PTPRG: variants seen among roughly 807,000 people sequenced by gnomAD.
PTPRG encodes protein tyrosine phosphatase receptor type G, also known as receptor-type tyrosine-protein phosphatase gamma.
A neutral mutation model predicts 165.3 loss-of-function variants in PTPRG; 102 were observed. That is an observed-to-expected ratio of 0.62 (90% CI 0.53 to 0.73). The LOEUF (loss-of-function observed/expected upper bound fraction) is 0.73. Among genes scored for constraint, PTPRG ranks in the 30% least tolerant of loss-of-function variants. The pLI, the probability that PTPRG is intolerant of heterozygous loss-of-function variation, is 0.00. For missense variants in PTPRG, 1,866 were observed against 1,861.4 expected, an observed-to-expected ratio of 1.00 and a Z score of -0.05; for synonymous variants, 675 against 669.5, an observed-to-expected ratio of 1.01 and a Z score of -0.13.
chr3:61,743,294 T>A, intron 1 of PTPRG, among the ~76,000 whole-genome samples: 1 of 152,176 alleles, frequency 6.6e-6, no homozygotes, highest in East Asian at 1.9e-4. Flanking sequence ...GACTTAAGAT[T>A]CCTCCTGCTG....
intron 12 of PTPRG, among the ~76,000 whole-genome samples, chr3:62,211,885 G>A (rs1477098595): frequency 3.3e-5 from 5 of 152,082 alleles, no homozygotes; most frequent in Non-Finnish European, 5.9e-5. Context: ...ACTGGGATGA[G>A]AGCCAAGCCA....
chr3:61,995,741 TTCCTTCCCTCCC>T (rs2041024773), intron 3 of PTPRG, among the ~76,000 whole-genome samples: 1 of 108,668 alleles, frequency 9.2e-6, no homozygotes, highest in Non-Finnish European at 1.9e-5. Context: ...CCTTCCTTCC[TTCCTTCCCTCCC>T]TCTCTCCCTC....
At chr3:61,971,689 G>A (rs149273150) in intron 2 of PTPRG, among the ~76,000 whole-genome samples, 3 of 152,148 alleles carry the variant, frequency 2.0e-5, no homozygotes, top group Non-Finnish European at 4.4e-5. Context: ...ATCCCTCTTC[G>A]GATCATTTGG....
rs879530446 is a variant in PTPRG, at chr3:62,293,511, C to T, written c.*204C>T. 4 of 426,366 alleles carry T rather than the reference C, an allele frequency of 9.4e-6. No homozygotes were observed. The highest frequency in any genetic ancestry group is 2.0e-5 in the African/African-American group (1 of 49,082). 26.4% of individuals were successfully genotyped at this position (426,366 alleles called of 1,614,324 possible). ...CCTCTGTTCATTTCACACAGTGAAACGCAATTTTACCTAGTTTGCACTATA... is the reference window on the plus strand; with the variant it reads ...CCTCTGTTCATTTCACACAGTGAAATGCAATTTTACCTAGTTTGCACTATA... On this transcript the variant is annotated 3_prime_UTR_variant, in exon 30 of 30. Transcript: ENST00000474889.
intron 2 of PTPRG, among the ~76,000 whole-genome samples, chr3:61,864,446 TA>T (rs199740005): frequency 0.012 from 1,760 of 152,236 alleles, 38 homozygotes; most frequent in African/African-American, 0.04. Context: ...CCCGGGCTTC[TA>T]ATTCTCTCCA....
chr3:61,620,918 C>T (rs575266588), intron 1 of PTPRG, among the ~76,000 whole-genome samples: 34 of 151,860 alleles, frequency 2.2e-4, no homozygotes, highest in African/African-American at 7.2e-4. Flanking sequence ...CGTGAGCCAC[C>T]GCGCCCGGCC....
chr3:62,130,028 A>AT (rs1242426836), intron 5 of PTPRG, among the ~76,000 whole-genome samples: 3 of 152,228 alleles, frequency 2.0e-5, no homozygotes, highest in Non-Finnish European at 2.9e-5. Context: ...TAATGGCTAA[A>AT]TTTTGCTGTG....
At position 61,939,928 on chromosome 3, in the gene PTPRG, C is replaced by CTTTTTTTTTTTTT. The variant is rs561334410; in HGVS notation, c.191-49673_191-49661dup. ...TGTCTTGGCTTCCTTACTGACTTGT[C>CTTTTTTTTTTTTT]TTTTTTTTTTTTTTTTTTTTTTTTT... On this transcript the variant is annotated intron_variant, in intron 2 of 29. Transcript: ENST00000474889. 3.8e-4 allele frequency among the ~76,000 whole-genome samples: 15 copies of CTTTTTTTTTTTTT among 39,142 alleles called. 3 individuals are homozygous for CTTTTTTTTTTTTT. The highest frequency in any genetic ancestry group is 8.1e-4 in the African/African-American group (9 of 11,094). The allele number at this position is 39,142 out of a possible 152,430, so 25.7% of individuals were successfully genotyped here.
intron 3 of PTPRG, among the ~76,000 whole-genome samples, chr3:62,002,494 T>TA (rs1195052384): frequency 6.6e-6 from 1 of 152,244 alleles, no homozygotes; most frequent in Admixed American, 6.5e-5. Flanking sequence ...ATTTGTTTTT[T>TA]ATGCATTTAG....
At chr3:61,563,072 C>G (rs541847640) in intron 1 of PTPRG, among the ~76,000 whole-genome samples, 1 of 151,910 alleles carries the variant, frequency 6.6e-6, no homozygotes, top group African/African-American at 2.4e-5. Flanking sequence ...CTAGCCCCGG[C>G]CCGTGGCCCT....
At chr3:61,739,707 C>T (rs934790716) in intron 1 of PTPRG, among the ~76,000 whole-genome samples, 1 of 152,148 alleles carries the variant, frequency 6.6e-6, no homozygotes, top group African/African-American at 2.4e-5. Context: ...TCCTCATAGG[C>T]AATAATTGAC....
intron 1 of PTPRG, among the ~76,000 whole-genome samples, chr3:61,583,883 G>C (rs13323186): frequency 0.03 from 4,563 of 152,152 alleles, 216 homozygotes; most frequent in African/African-American, 0.1. Flanking sequence ...TAATGCCTAC[G>C]TTAACCAAGG....
intron 19 of PTPRG, 111 bp from the exon 20 acceptor site, chr3:62,268,924 C>A: frequency 8.2e-7 from 1 of 1,220,120 alleles, no homozygotes; most frequent in Non-Finnish European, 1.1e-6. Context: ...CTTTTTCAGT[C>A]AACTAAATGG....
At chr3:62,064,306 A>G (rs893899754) in intron 4 of PTPRG, among the ~76,000 whole-genome samples, 1 of 152,212 alleles carries the variant, frequency 6.6e-6, no homozygotes, top group Non-Finnish European at 1.5e-5. Context: ...ATACTTGGGC[A>G]TATACCCACA....
intron 1 of PTPRG, among the ~76,000 whole-genome samples, chr3:61,660,775 GCTGATAC>G (rs1253889861): frequency 6.6e-6 from 1 of 152,128 alleles, no homozygotes; most frequent in Non-Finnish European, 1.5e-5. Flanking sequence ...ACTAAGGTGG[GCTGATAC>G]CTGAGGTCGG....
intron 2 of PTPRG, among the ~76,000 whole-genome samples, chr3:61,886,105 C>T (rs544937342): frequency 1.3e-5 from 2 of 152,126 alleles, no homozygotes; most frequent in Non-Finnish European, 2.9e-5. Flanking sequence ...GAGAACCTAT[C>T]ATGGAAAAGT....
In PTPRG at chr3:61,894,648, AGATATT is replaced by A. The variant is rs202220158; in HGVS notation, c.191-94976_191-94971del. Among the ~76,000 whole-genome samples the A allele has an allele frequency of 7.3e-4, 111 of 152,278 alleles. No homozygotes were observed. The East Asian group carries it at 0.02, about 28-fold the overall frequency. On this transcript the variant is annotated intron_variant, in intron 2 of 29. Transcript: ENST00000474889. ...CCTAACTTAATGTCACCCAGATATT[AGATATT>A]AAGTGTCAAAACTGTGATTTCAACT...
chr3:61,638,882 T>C (rs927829725), intron 1 of PTPRG, among the ~76,000 whole-genome samples: 5 of 152,182 alleles, frequency 3.3e-5, no homozygotes, highest in African/African-American at 4.8e-5. Flanking sequence ...ACTCTGCTGA[T>C]ATTTTTCTTT....
intron 12 of PTPRG, among the ~76,000 whole-genome samples, chr3:62,218,130 C>T (rs986527858): frequency 4.6e-5 from 7 of 152,114 alleles, no homozygotes; most frequent in Non-Finnish European, 8.8e-5. Flanking sequence ...ACAGAAGCAC[C>T]TAGGTGCTCC....
Sources: gnomAD v4.1 joint callset for allele counts (sites outside exome capture counted in the v4.1 genomes callset) on GRCh38, gnomAD v4.1.1 for gene constraint, MANE v1.5 for transcripts, NCBI Gene and HGNC (gene_info 2026-07-23, HGNC 2026-07-21) for gene names.